Variants in FAM171B observed in about 807,000 individuals in gnomAD.
The protein encoded by FAM171B is protein FAM171B.
Under a neutral mutation model 75.6 loss-of-function variants are expected in FAM171B, and 19 were observed. The observed-to-expected ratio is 0.25, with a 90% CI of 0.18 to 0.37. The LOEUF (loss-of-function observed/expected upper bound fraction) is 0.37, where lower values mean the gene tolerates loss of function less well. FAM171B is among the 10% of genes least tolerant of loss of function. FAM171B has a pLI of 1.00. For synonymous variants in FAM171B, 367 were observed against 361.7 expected (o/e 1.01, Z -0.17); for missense variants, 848 against 982.4 (o/e 0.86, Z 1.83).
At chr2:186,745,077 A>G (rs1003360704) in intron 3 of FAM171B, among the ~76,000 whole-genome samples, 2 of 151,946 alleles carry the variant, frequency 1.3e-5, no homozygotes, top group African/African-American at 4.8e-5. Context: ...CGATCCGCCC[A>G]TCTCAGCCTC....
At chr2:186,719,630 A>C (rs936405909) in intron 1 of FAM171B, among the ~76,000 whole-genome samples, 1 of 152,256 alleles carries the variant, frequency 6.6e-6, no homozygotes, top group Non-Finnish European at 1.5e-5. Context: ...CATACTGAGC[A>C]TTAATTTCCC....
chr2:186,711,536 G>T (rs1042313002), intron 1 of FAM171B, among the ~76,000 whole-genome samples: 7 of 152,308 alleles, frequency 4.6e-5, no homozygotes, highest in African/African-American at 1.4e-4. Flanking sequence ...GATGAAGCCA[G>T]TACACAGAAA....
intron 1 of FAM171B, among the ~76,000 whole-genome samples, chr2:186,730,068 C>A (rs1240873819): frequency 2.6e-5 from 4 of 152,200 alleles, no homozygotes; most frequent in Non-Finnish European, 5.9e-5. Context: ...TCAAGCAATT[C>A]CCCCGCCTCA....
At chr2:186,760,986 T>C in intron 6 of FAM171B, 127 bp from the exon 7 acceptor site, 2 of 954,552 alleles carry the variant, frequency 2.1e-6, no homozygotes, top group African/African-American at 3.3e-5. Context: ...TAGGGAAATC[T>C]GTCATAGGAG....
intron 1 of FAM171B, among the ~76,000 whole-genome samples, chr2:186,733,083 A>T (rs948748809): frequency 6.6e-6 from 1 of 152,174 alleles, no homozygotes. Flanking sequence ...ATATCTGATT[A>T]CCGACTGTAA....
intron 2 of FAM171B, among the ~76,000 whole-genome samples, chr2:186,741,286 A>C (rs753443937): frequency 1.3e-5 from 2 of 152,116 alleles, no homozygotes; most frequent in Non-Finnish European, 1.5e-5. Context: ...ATAAGAAAAT[A>C]AACTATCTGA....
intron 5 of FAM171B, among the ~76,000 whole-genome samples, chr2:186,753,614 C>T (rs1574112948): frequency 6.6e-6 from 1 of 152,154 alleles, no homozygotes; most frequent in Admixed American, 6.5e-5. Flanking sequence ...GGGGTTTCAC[C>T]ATGTTGGCCA....
chr2:186,717,766 T>A (rs903968402), intron 1 of FAM171B, among the ~76,000 whole-genome samples: 2 of 152,160 alleles, frequency 1.3e-5, no homozygotes, highest in East Asian at 3.9e-4. Flanking sequence ...CTTTCTGGAC[T>A]TTCCCAGTCT....
At chr2:186,725,452 G>A (rs1477872487) in intron 1 of FAM171B, among the ~76,000 whole-genome samples, 3 of 152,126 alleles carry the variant, frequency 2.0e-5, no homozygotes, top group African/African-American at 7.2e-5. Flanking sequence ...CGATTCAAAG[G>A]ACGGGGAAAT....
At position 186,762,840 on chromosome 2, in the gene FAM171B, G is replaced by A. The variant is rs2595381; in HGVS notation, c.*17G>A. 0.085 allele frequency: 136,414 copies of A among 1,596,484 alleles called. 6,346 individuals carry two copies. The highest frequency in any genetic ancestry group is 0.095 in the Non-Finnish European group (110,820 of 1,171,152). ...ATAAATTAACTCCAATGGGGATTGT[G>A]TGTCTGCTGTCTCGTGCTGTTTATT... On this transcript the variant is annotated 3_prime_UTR_variant, in exon 8 of 8. Transcript: ENST00000304698. The surrounding 1 kb of genome is among the most constrained non-coding windows in gnomAD (Gnocchi z 4.0).
At chr2:186,735,244 A>T (rs1390024125) in intron 1 of FAM171B, among the ~76,000 whole-genome samples, 1 of 152,160 alleles carries the variant, frequency 6.6e-6, no homozygotes, top group African/African-American at 2.4e-5. Context: ...GTGGCTAGGC[A>T]ATGGGTGCTT....
At chr2:186,718,832 A>T (rs1385882932) in intron 1 of FAM171B, among the ~76,000 whole-genome samples, 1 of 152,242 alleles carries the variant, frequency 6.6e-6, no homozygotes, top group African/African-American at 2.4e-5. Flanking sequence ...TTTTGTACGA[A>T]ATGTGTATTG....
At chr2:186,749,183 TAC>T (rs1360599829) in intron 4 of FAM171B, among the ~76,000 whole-genome samples, 29 of 152,326 alleles carry the variant, frequency 1.9e-4, no homozygotes, top group African/African-American at 3.8e-4. Context: ...TTTATTAGAT[TAC>T]ACAGTTCTAG....
chr2:186,699,349 G>A (rs1304985986), intron 1 of FAM171B, among the ~76,000 whole-genome samples: 2 of 152,124 alleles, frequency 1.3e-5, no homozygotes, highest in African/African-American at 2.4e-5. Flanking sequence ...TCTCATTGTA[G>A]TTTTGATTTG....
rs1322187166 is a variant in FAM171B, at chr2:186,747,018, T to TA, written c.566-72dup. 13 of 1,119,348 alleles carry TA rather than the reference T, an allele frequency of 1.2e-5. No homozygotes were observed. The African/African-American group carries it at 2.1e-4, about 18-fold the overall frequency. The allele number at this position is 1,119,348 out of a possible 1,614,324, so 69.3% of individuals were successfully genotyped here. Reference sequence around the variant, plus strand: ...ATAATTATAATTGCTTCTTTTAAAGTAAGACATCCTGACCAATGCTGCTAT... The same window carrying TA: ...ATAATTATAATTGCTTCTTTTAAAGTAAAGACATCCTGACCAATGCTGCTAT... On this transcript the variant is annotated intron_variant, in intron 3 of 7. Coordinates refer to ENST00000304698, the MANE Select transcript of FAM171B (RefSeq NM_177454.4).
intron 1 of FAM171B, among the ~76,000 whole-genome samples, chr2:186,728,296 G>A (rs904917831): frequency 6.6e-6 from 1 of 152,124 alleles, no homozygotes; most frequent in African/African-American, 2.4e-5. Flanking sequence ...TCTCTTGTCT[G>A]TTTCAATATT....
At position 186,694,101 on chromosome 2, in the gene FAM171B, G is replaced by C; in HGVS notation, c.-73G>C. ...GGAGCGAGCGAGCGGGCGCTGCCAG[G>C]AGCCCGCAGCCCTGGCGCCCGCCGC... On this transcript the variant is annotated 5_prime_UTR_variant, in exon 1 of 8. Transcript: ENST00000304698. 5 of 1,393,434 alleles carry C rather than the reference G, an allele frequency of 3.6e-6. No homozygotes were observed. Among genetic ancestry groups the C allele is most frequent in the South Asian group, 1.6e-5 (1 of 61,680 alleles). The allele number at this position is 1,393,434 out of a possible 1,614,324, so 86.3% of individuals were successfully genotyped here. A position where few individuals can be genotyped will look rare whatever the true frequency, so the allele number is the denominator to read the frequency against.
At chr2:186,710,914 G>A (rs1689802137) in intron 1 of FAM171B, among the ~76,000 whole-genome samples, 1 of 151,538 alleles carries the variant, frequency 6.6e-6, no homozygotes, top group African/African-American at 2.4e-5. Context: ...ACACAATATT[G>A]CAGAACCAAC....
chr2:186,733,747 G>T (rs1385951459), intron 1 of FAM171B, among the ~76,000 whole-genome samples: 1 of 152,172 alleles, frequency 6.6e-6, no homozygotes, highest in Non-Finnish European at 1.5e-5. Flanking sequence ...ACTGGCATGG[G>T]TGCTAACTCC....
Sources: allele counts gnomAD v4.1 joint callset (sites outside exome capture counted in the v4.1 genomes callset), GRCh38; gene constraint gnomAD v4.1.1; non-coding constraint Gnocchi (gnomAD v3.1); transcripts MANE v1.5; gene names NCBI Gene and HGNC (gene_info 2026-07-23, HGNC 2026-07-21).